CDKL2: variants seen among roughly 807,000 people sequenced by gnomAD.
The protein encoded by CDKL2 is cyclin-dependent kinase-like 2.
Under a neutral mutation model 63.9 loss-of-function variants are expected in CDKL2, and 64 were observed. That is an observed-to-expected ratio of 1.00 (90% CI 0.82 to 1.23). CDKL2 has a LOEUF of 1.23. CDKL2 is among the 50% of genes most tolerant of loss of function. The pLI is 0.00. For missense variants in CDKL2, 656 were observed against 668.0 expected (o/e 0.98, Z 0.20); for synonymous variants, 211 against 229.2 (o/e 0.92, Z 0.72).
intron 13 of CDKL2, among the ~76,000 whole-genome samples, chr4:75,580,051 C>T (rs1425319324): frequency 2.6e-5 from 4 of 152,146 alleles, no homozygotes; most frequent in Admixed American, 6.5e-5. Context: ...GTGGGCAGAT[C>T]ACCTGAGGTC....
At chr4:75,618,782 C>T (rs1273284954) in intron 2 of CDKL2, among the ~76,000 whole-genome samples, 1 of 152,108 alleles carries the variant, frequency 6.6e-6, no homozygotes, top group Non-Finnish European at 1.5e-5. Flanking sequence ...CAAAAGCCTT[C>T]TAAAGGTGGG....
chr4:75,605,440 G>T, intron 5 of CDKL2, 82 bp downstream of exon 5: 1 of 794,184 alleles, frequency 1.3e-6, no homozygotes, highest in Non-Finnish European at 2.1e-6. Flanking sequence ...TAATGCAACA[G>T]CTTAAAAAAT....
At chr4:75,579,351 C>T (rs1202689567) in intron 13 of CDKL2, among the ~76,000 whole-genome samples, 173 bp from the exon 14 acceptor site, 2 of 152,186 alleles carry the variant, frequency 1.3e-5, no homozygotes, top group African/African-American at 4.8e-5. Context: ...ATTTTTAAGA[C>T]AATCTTTAGA....
At chr4:75,627,690 C>G (rs1263782215) in intron 1 of CDKL2, among the ~76,000 whole-genome samples, 1 of 150,710 alleles carries the variant, frequency 6.6e-6, no homozygotes, top group African/African-American at 2.4e-5. Context: ...CAAATTAACA[C>G]AGAGCATCTT....
chr4:75,577,934 T>C lies in CDKL2; in HGVS notation c.*1268A>G, dbSNP rs548709249. ...ATAAAGAAAAGTTCTAGTTAAATTC[T>C]TCAGCTAAGTTCTAGTCAATGGCTT... On this transcript the variant is annotated 3_prime_UTR_variant, in exon 14 of 14. Transcript: ENST00000307465. 1.3e-5 allele frequency: 2 copies of C among 151,758 alleles called. No homozygotes were observed. Among genetic ancestry groups the C allele is most frequent in the South Asian group, 4.2e-4 (2 of 4,770 alleles). The allele number at this position is 151,758 out of a possible 1,614,324, so 9.4% of individuals were successfully genotyped here.
chr4:75,615,182 C>T (rs1729878956), intron 2 of CDKL2, among the ~76,000 whole-genome samples: 1 of 151,910 alleles, frequency 6.6e-6, no homozygotes, highest in Non-Finnish European at 1.5e-5. Context: ...GAATTAAATC[C>T]CACACTGAGG....
At chr4:75,622,849 A>C (rs944858142) in intron 2 of CDKL2, among the ~76,000 whole-genome samples, 4 of 152,108 alleles carry the variant, frequency 2.6e-5, no homozygotes, top group Non-Finnish European at 5.9e-5. Flanking sequence ...AAATTCAATA[A>C]ATTCCTAGAG....
At chr4:75,598,051 C>A (rs764266900) in intron 8 of CDKL2, 26 bp downstream of exon 8, 17 of 1,403,724 alleles carry the variant, frequency 1.2e-5, no homozygotes, top group Non-Finnish European at 1.5e-5. Context: ...TATATTAAAT[C>A]TAAAATGTGA....
chr4:75,627,297 G>A (rs1730465881), intron 1 of CDKL2, among the ~76,000 whole-genome samples: 1 of 152,052 alleles, frequency 6.6e-6, no homozygotes, highest in Non-Finnish European at 1.5e-5. Context: ...GTTTGGGACG[G>A]AGTCTTGCTC....
At chr4:75,588,901 A>T (rs1486447646) in intron 12 of CDKL2, among the ~76,000 whole-genome samples, 1 of 151,798 alleles carries the variant, frequency 6.6e-6, no homozygotes, top group East Asian at 1.9e-4. Context: ...GAATTCCTCA[A>T]AGAATGATGA....
At chr4:75,628,374 G>T (rs1038762228) in intron 1 of CDKL2, among the ~76,000 whole-genome samples, 1 of 151,882 alleles carries the variant, frequency 6.6e-6, no homozygotes, top group African/African-American at 2.4e-5. Context: ...CTCGGCCTCC[G>T]AAAGTTCTGG....
chr4:75,610,828 T>G (rs1364508674), intron 3 of CDKL2, among the ~76,000 whole-genome samples: 1 of 152,194 alleles, frequency 6.6e-6, no homozygotes, highest in Non-Finnish European at 1.5e-5. Context: ...TGTGTTTATA[T>G]ATATGTATGT....
chr4:75,583,343 G>A (rs1040666635), intron 12 of CDKL2, among the ~76,000 whole-genome samples: 1 of 152,124 alleles, frequency 6.6e-6, no homozygotes, highest in Non-Finnish European at 1.5e-5. Flanking sequence ...CTATTTCTTA[G>A]ACCACATATT....
Position 75,625,802 on chromosome 4 carries a change from A to T in CDKL2, c.168+19T>A. 1 of 1,576,040 alleles carries T rather than the reference A, an allele frequency of 6.3e-7. No individual in the cohort carries two copies. Among genetic ancestry groups the T allele is most frequent in the Non-Finnish European group, 8.6e-7 (1 of 1,159,448 alleles). ...AACTTATACTCATATTTTTTGATTC[A>T]ATATATGCATTTACTCACCTTTAGT... On this transcript the variant is annotated intron_variant, in intron 2 of 13. Coordinates refer to ENST00000307465, the MANE Select transcript of CDKL2 (RefSeq NM_001330724.2).
intron 3 of CDKL2, among the ~76,000 whole-genome samples, chr4:75,611,818 C>A (rs1361259756): frequency 2.0e-5 from 3 of 151,876 alleles, no homozygotes; most frequent in East Asian, 1.9e-4. Flanking sequence ...CCACGCCCAG[C>A]TAATTTTGTA....
intron 6 of CDKL2, 89 bp downstream of exon 6, chr4:75,603,728 A>AT: frequency 1.3e-6 from 1 of 767,882 alleles, no homozygotes; most frequent in Non-Finnish European, 1.9e-6. Context: ...AAAAAAAAAA[A>AT]GATCAACTAG....
chr4:75,625,951 C>T lies in CDKL2; in HGVS notation c.38G>A (p.Gly13Glu). ...ACACTTCATCACCATTCCATAACTC[C>T]CTTCTCCAACCAAACCCAGGTTTTC... ...KYENLGLVGE[G>E]SYGMVMKCRN... The change falls in exon 2 of 14, where the codon GGG becomes GAG. Residue 13 changes from glycine to glutamate, a missense_variant. By Grantham distance (98) the Gly-to-Glu change is moderately conservative. Transcript: ENST00000307465. The T allele has an allele frequency of 1.9e-6, 3 of 1,610,582 alleles. No individual in the cohort carries two copies. Among genetic ancestry groups the T allele is most frequent in the Non-Finnish European group, 2.5e-6 (3 of 1,179,170 alleles).
intron 12 of CDKL2, among the ~76,000 whole-genome samples, chr4:75,590,056 A>C (rs1280794890): frequency 6.6e-6 from 1 of 150,948 alleles, no homozygotes; most frequent in Non-Finnish European, 1.5e-5. Context: ...GGTCCCAGCT[A>C]CTCAGGAAGC....
At chr4:75,580,623 C>A (rs918747831) in intron 13 of CDKL2, among the ~76,000 whole-genome samples, 2 of 145,458 alleles carry the variant, frequency 1.4e-5, no homozygotes, top group Non-Finnish European at 3.0e-5. Flanking sequence ...GCCGAGATCA[C>A]GCCACTGCAC....
Sources: allele counts gnomAD v4.1 joint callset (sites outside exome capture counted in the v4.1 genomes callset), GRCh38; gene constraint gnomAD v4.1.1; transcripts MANE v1.5; gene names NCBI Gene and HGNC (gene_info 2026-07-23, HGNC 2026-07-21).